The following SYNPR variants were observed in gnomAD, a reference collection of about 807,000 sequenced individuals.
SYNPR encodes synaptoporin.
Under a neutral mutation model 32.9 loss-of-function variants are expected in SYNPR, and 23 were observed. The ratio of observed to expected loss-of-function variants is 0.70; its 90% CI spans 0.50 to 0.99. The LOEUF (loss-of-function observed/expected upper bound fraction) is 0.99, where lower values mean the gene tolerates loss of function less well. Among genes scored for constraint, SYNPR ranks in the 50% least tolerant of loss-of-function variants. SYNPR has a pLI of 0.00. For synonymous variants in SYNPR, 146 were observed against 135.9 expected, an observed-to-expected ratio of 1.07 and a Z score of -0.52; for missense variants, 318 against 349.3, an observed-to-expected ratio of 0.91 and a Z score of 0.71.
intron 2 of SYNPR, chr3:63,427,650 G>C (rs1159774903): frequency 6.6e-6 from 1 of 152,246 alleles, no homozygotes; most frequent in Non-Finnish European, 1.5e-5. Flanking sequence ...ATGGAGGAGT[G>C]GGTGGAAATA....
chr3:63,354,948 A>T (rs2087555986), intron 2 of SYNPR, among the ~76,000 whole-genome samples: 1 of 152,164 alleles, frequency 6.6e-6, no homozygotes, highest in Admixed American at 6.5e-5. Flanking sequence ...GCAAATAAAG[A>T]AACAGAAGTT....
chr3:63,339,993 C>T (rs561547201), intron 2 of SYNPR, among the ~76,000 whole-genome samples: 1 of 152,318 alleles, frequency 6.6e-6, no homozygotes, highest in South Asian at 2.1e-4. Flanking sequence ...CCTTCCTTAA[C>T]TTGTCCTTAA....
chr3:63,209,927 G>A, the SYNPR span, among the ~76,000 whole-genome samples: 1 of 152,114 alleles, frequency 6.6e-6, no homozygotes, highest in South Asian at 2.1e-4. Context: ...ATTGTATGCT[G>A]GATGGGTGCT....
At chr3:63,431,564 T>C (rs1699994487) in intron 2 of SYNPR, among the ~76,000 whole-genome samples, 1 of 152,118 alleles carries the variant, frequency 6.6e-6, no homozygotes, top group Non-Finnish European at 1.5e-5. Flanking sequence ...ATTTATCTGG[T>C]TTTTTGAAGG....
chr3:63,317,147 C>A (rs1408369915), intron 2 of SYNPR, among the ~76,000 whole-genome samples: 1 of 151,862 alleles, frequency 6.6e-6, no homozygotes, highest in African/African-American at 2.4e-5. Context: ...CATTTTATGG[C>A]CTATCATATG....
chr3:63,384,244 G>C (rs558979799), intron 2 of SYNPR, among the ~76,000 whole-genome samples: 25 of 152,292 alleles, frequency 1.6e-4, no homozygotes, highest in African/African-American at 5.3e-4. Context: ...ATGAAGGCAG[G>C]GCTTAAATCT....
intron 3 of SYNPR, among the ~76,000 whole-genome samples, chr3:63,271,590 T>C (rs1160755900): frequency 6.6e-6 from 1 of 152,140 alleles, no homozygotes; most frequent in African/African-American, 2.4e-5. Flanking sequence ...ATCTTTCCTA[T>C]CTTCATCATC....
chr3:63,369,225 C>T (rs1440663872), intron 2 of SYNPR, among the ~76,000 whole-genome samples: 1 of 152,172 alleles, frequency 6.6e-6, no homozygotes, highest in Non-Finnish European at 1.5e-5. Context: ...TGTCTGCAAG[C>T]TAAGGACAGG....
chr3:63,410,181 G>A (rs2088443140), intron 2 of SYNPR, among the ~76,000 whole-genome samples: 1 of 152,144 alleles, frequency 6.6e-6, no homozygotes, highest in Non-Finnish European at 1.5e-5. Flanking sequence ...ATTATGAACT[G>A]TCTACTGTAT....
chr3:63,408,319 GGAAAGAAAGAAAGAAAGAAAGAAAGAAA>G (rs1214316826), intron 2 of SYNPR, among the ~76,000 whole-genome samples: 6 of 16,814 alleles, frequency 3.6e-4, no homozygotes, highest in Non-Finnish European at 5.1e-4. Context: ...AAGGAAGGAA[GGAAAGAAAGAAAGAAAGAAAGAAAGAAA>G]GAAAGAAAGA....
intron 4 of SYNPR, among the ~76,000 whole-genome samples, chr3:63,578,560 G>A (rs531507858): frequency 7.9e-5 from 12 of 152,076 alleles, no homozygotes; most frequent in Non-Finnish European, 1.0e-4. Context: ...CATATTTTAC[G>A]GATAAATAGA....
intron 1 of SYNPR, among the ~76,000 whole-genome samples, chr3:63,238,582 A>C (rs889911308): frequency 6.6e-6 from 1 of 152,174 alleles, no homozygotes; most frequent in Non-Finnish European, 1.5e-5. Context: ...GTTAGGTTAA[A>C]CACAAATGGA....
chr3:63,302,273 T>G lies in SYNPR; in HGVS notation c.84+23531T>G, dbSNP rs115342662. Reference sequence around the variant, plus strand: ...CATTGTTTCCCGATATAAACTAGGCTTTACAGCAGGGATCCATTCCCATTA... The same window carrying G: ...CATTGTTTCCCGATATAAACTAGGCGTTACAGCAGGGATCCATTCCCATTA... On this transcript the variant is annotated intron_variant, in intron 2 of 5. Coordinates refer to ENST00000478300, the MANE Select transcript of SYNPR (RefSeq NM_001130003.2). Among the ~76,000 whole-genome samples, 1,272 of 152,160 alleles carry G rather than the reference T, an allele frequency of 8.4e-3. 24 individuals are homozygous for G. The highest frequency in any genetic ancestry group is 0.028 in the African/African-American group (1,151 of 41,552).
chr3:63,447,585 G>T (rs546506554), intron 2 of SYNPR, among the ~76,000 whole-genome samples: 20 of 152,252 alleles, frequency 1.3e-4, no homozygotes, highest in African/African-American at 4.6e-4. Context: ...AATATTTTGA[G>T]CCTGAAATCA....
intron 5 of SYNPR, chr3:63,610,362 A>T: frequency 2.1e-6 from 1 of 483,558 alleles, no homozygotes; most frequent in Non-Finnish European, 3.7e-6. Flanking sequence ...TGGCAGCAAA[A>T]AGCAGCGGTT....
At chr3:63,367,152 A>T (rs949653801) in intron 2 of SYNPR, among the ~76,000 whole-genome samples, 1 of 152,124 alleles carries the variant, frequency 6.6e-6, no homozygotes, top group African/African-American at 2.4e-5. Context: ...CAAATTTGAG[A>T]TTGTTGAGAT....
chr3:63,416,972 C>T (rs1452008525), intron 2 of SYNPR, among the ~76,000 whole-genome samples: 1 of 152,128 alleles, frequency 6.6e-6, no homozygotes, highest in Non-Finnish European at 1.5e-5. Context: ...ATCTCATGTC[C>T]TCACATTTCA....
chr3:63,562,352 C>T (rs1206311434), intron 4 of SYNPR, among the ~76,000 whole-genome samples: 1 of 152,190 alleles, frequency 6.6e-6, no homozygotes, highest in Non-Finnish European at 1.5e-5. Flanking sequence ...TAAATACCAT[C>T]TCATGTTTCA....
intron 2 of SYNPR, among the ~76,000 whole-genome samples, chr3:63,333,065 T>C (rs1023049350): frequency 2.6e-5 from 4 of 152,190 alleles, no homozygotes; most frequent in African/African-American, 7.2e-5. Flanking sequence ...CTTAGAATAA[T>C]AAGTCATATC....
Sources: allele counts gnomAD v4.1 joint callset (sites outside exome capture counted in the v4.1 genomes callset), GRCh38; gene constraint gnomAD v4.1.1; transcripts MANE v1.5; gene names NCBI Gene and HGNC (gene_info 2026-07-23, HGNC 2026-07-21).